Variants in DHX9 observed in about 807,000 individuals in gnomAD.
The protein encoded by DHX9 is DExH-box helicase 9.
DHX9 carries 27 observed loss-of-function variants against 148.7 expected under a neutral mutation model. That is an observed-to-expected ratio of 0.18 (90% CI 0.13 to 0.25). The LOEUF is 0.25. Ranked by LOEUF, DHX9 falls within the 10% of genes least tolerant of loss-of-function variation. DHX9 has a pLI of 1.00. For missense variants in DHX9, 796 were observed against 1,559.6 expected, an observed-to-expected ratio of 0.51 and a Z score of 8.25; for synonymous variants, 529 against 516.6, an observed-to-expected ratio of 1.02 and a Z score of -0.33.
intron 14 of DHX9, among the ~76,000 whole-genome samples, chr1:182,867,429 G>A (rs1329087960): frequency 1.3e-5 from 2 of 152,094 alleles, no homozygotes; most frequent in African/African-American, 2.4e-5. Flanking sequence ...TTGAGACAGA[G>A]TCTTGCTCTG....
At chr1:182,867,112 T>C in intron 14 of DHX9, 69 bp downstream of exon 14, 2 of 959,064 alleles carry the variant, frequency 2.1e-6, no homozygotes, top group Non-Finnish European at 3.0e-6. Flanking sequence ...GTAGAATGTC[T>C]TTGTTTTCCC....
In DHX9 at chr1:182,887,539, C is replaced by A; in HGVS notation, c.*105C>A. On this transcript the variant is annotated 3_prime_UTR_variant, in exon 28 of 28. Transcript: ENST00000367549. The stretch of plus-strand genomic sequence containing the variant: ...TTTATTTGCCACCAAAAAGTAAATG[C>A]ATTTTCACCCATTCTGTGGTTCATT... 1 of 971,118 alleles carries A rather than the reference C, an allele frequency of 1.0e-6. No individual in the cohort carries two copies. The highest frequency in any genetic ancestry group is 1.5e-6 in the Non-Finnish European group (1 of 657,444). The allele number at this position is 971,118 out of a possible 1,614,324, so 60.2% of individuals were successfully genotyped here.
intron 19 of DHX9, 45 bp from the exon 20 acceptor site, chr1:182,877,976 G>A: frequency 6.2e-6 from 10 of 1,606,486 alleles, no homozygotes; most frequent in Non-Finnish European, 8.5e-6. Flanking sequence ...AATAGTTATT[G>A]ATAATACACA....
In DHX9 at chr1:182,879,388, TG is replaced by T; in HGVS notation, c.2491del (p.Glu831LysfsTer12). The T allele has an allele frequency of 6.5e-7, 1 of 1,529,066 alleles. No individual in the cohort carries two copies. The highest frequency in any genetic ancestry group is 8.9e-7 in the Non-Finnish European group (1 of 1,120,780). The allele number at this position is 1,529,066 out of a possible 1,614,324, so 94.7% of individuals were successfully genotyped here. A position where few individuals can be genotyped will look rare whatever the true frequency, so the allele number is the denominator to read the frequency against. ...IEPPPLDAVI[E>X]AEHTLRELDA... ...AACCTCCCCCTTTGGATGCTGTGAT[TG>T]AAGCAGAACACACTCTTAGAGGTAC... On this transcript the variant is annotated frameshift_variant, in exon 21 of 28. Transcript: ENST00000367549. LOFTEE classifies it high-confidence loss of function.
chr1:182,882,537 T>C lies in DHX9; in HGVS notation c.2915-602T>C, dbSNP rs576382218. Among the ~76,000 whole-genome samples, 4 of 152,266 alleles carry C rather than the reference T, an allele frequency of 2.6e-5. No homozygotes were observed. In the South Asian group the frequency reaches 8.3e-4, roughly 32 times the overall value. On this transcript the variant is annotated intron_variant, in intron 24 of 27. Coordinates refer to ENST00000367549, the MANE Select transcript of DHX9 (RefSeq NM_001357.5). ...TGTGGTCCTATCAGTCAAGCTCTTA[T>C]TCTCAGAGTAGATGGTTGATTGGGG...
chr1:182,870,079 A>G (rs1297786086), intron 14 of DHX9, among the ~76,000 whole-genome samples: 1 of 152,246 alleles, frequency 6.6e-6, no homozygotes, highest in Non-Finnish European at 1.5e-5. Flanking sequence ...AAATAACTAG[A>G]AAAACAAAAA....
chr1:182,880,594 G>A lies in DHX9; in HGVS notation c.2610G>A (p.Met870Ile). 1 of 1,610,820 alleles carries A rather than the reference G, an allele frequency of 6.2e-7. No homozygotes were observed. Among genetic ancestry groups the A allele is most frequent in the African/African-American group, 1.3e-5 (1 of 74,928 alleles). ...CTCGTTTTGGCAAAATGATGATAAT[G>A]GGGTGTATTTTCTAGTAAGTGCTTT... ...IEPRFGKMMI[M>I]GCIFYVGDAI... The change falls in exon 22 of 28, where the codon ATG (methionine) becomes ATA (isoleucine). Residue 870 changes from methionine (M) to isoleucine (I), a missense_variant. By Grantham distance (10) the Met-to-Ile change is conservative. Around this residue, in one of 14 missense-constraint regions of DHX9, gnomAD observed 122 missense variants for 289.3 expected, o/e 0.42. Transcript: ENST00000367549.
chr1:182,859,800 A>G (rs2102601520), intron 11 of DHX9, among the ~76,000 whole-genome samples, 193 bp from the exon 12 acceptor site: 1 of 152,248 alleles, frequency 6.6e-6, no homozygotes, highest in East Asian at 1.9e-4. Context: ...TTTAGTAGAG[A>G]TGGGGTTTCA....
rs1044634113 is a variant in DHX9 at position 182,883,507 on chromosome 1, T to C, written c.3145-13T>C. ...TGTCAACCATTTTGTATTGTCTCTT[T>C]CTCCATTTGCAGATTCGAACTCGAG... On this transcript the variant is annotated splice_polypyrimidine_tract_variant and intron_variant, in intron 25 of 27. Coordinates refer to ENST00000367549, the MANE Select transcript of DHX9 (RefSeq NM_001357.5). The C allele has an allele frequency of 4.3e-5, 69 of 1,610,192 alleles. No homozygotes were observed. Among genetic ancestry groups the C allele is most frequent in the Non-Finnish European group, 5.7e-5 (67 of 1,176,710 alleles).
chr1:182,839,726 C>G (rs935361879), intron 1 of DHX9: 1 of 150,732 alleles, frequency 6.6e-6, no homozygotes, highest in Non-Finnish European at 1.5e-5. Context: ...GCAAAGCGCG[C>G]TTCCTCCTCT....
chr1:182,885,841 G>A (rs182091546), intron 27 of DHX9, among the ~76,000 whole-genome samples: 20 of 152,316 alleles, frequency 1.3e-4, no homozygotes, highest in Admixed American at 3.9e-4. Flanking sequence ...TTCAATAACC[G>A]TCATAGGCAG....
At chr1:182,862,949 A>T (rs980135973) in intron 12 of DHX9, among the ~76,000 whole-genome samples, 2 of 152,214 alleles carry the variant, frequency 1.3e-5, no homozygotes, top group Non-Finnish European at 2.9e-5. Context: ...AAGTGTGGGG[A>T]AGAGGTTAGC....
At chr1:182,877,016 C>A (rs1648832750) in intron 19 of DHX9, 113 bp downstream of exon 19, 4 of 675,480 alleles carry the variant, frequency 5.9e-6, no homozygotes, top group East Asian at 2.7e-5. Context: ...CTTAAATCTC[C>A]AAAATTATTG....
chr1:182,851,938 C>T (rs1668158145), intron 3 of DHX9, among the ~76,000 whole-genome samples: 1 of 152,042 alleles, frequency 6.6e-6, no homozygotes, highest in African/African-American at 2.4e-5. Flanking sequence ...AAAATGAGCC[C>T]CAGAGCAGTG....
chr1:182,852,641 C>A (rs1389933258), intron 4 of DHX9, among the ~76,000 whole-genome samples: 1 of 152,100 alleles, frequency 6.6e-6, no homozygotes, highest in Non-Finnish European at 1.5e-5. Context: ...TTTTCTTGTT[C>A]CTTATTCTTA....
At chr1:182,858,022 TA>T in intron 7 of DHX9, 81 bp from the exon 8 acceptor site, 1 of 1,438,150 alleles carries the variant, frequency 7.0e-7, no homozygotes, top group Non-Finnish European at 9.4e-7. Context: ...CTTGTGTACG[TA>T]AGCCCATAGT....
chr1:182,883,015 A>T (rs1649157397), intron 24 of DHX9, 124 bp from the exon 25 acceptor site: 3 of 661,692 alleles, frequency 4.5e-6, no homozygotes, highest in Non-Finnish European at 5.3e-6. Context: ...AGAAAGTTTT[A>T]CAGACAGGTT....
intron 14 of DHX9, among the ~76,000 whole-genome samples, chr1:182,867,338 G>A (rs1648340124): frequency 6.6e-6 from 1 of 152,114 alleles, no homozygotes. Context: ...TGACTAAATA[G>A]CTGATGGAAT....
chr1:182,840,695 A>G (rs1051250694), intron 1 of DHX9, among the ~76,000 whole-genome samples: 3 of 152,194 alleles, frequency 2.0e-5, no homozygotes, highest in Admixed American at 2.0e-4. Context: ...TCTTACCTGT[A>G]CAAGGTTACT....
Sources: gnomAD v4.1 joint callset for allele counts (sites outside exome capture counted in the v4.1 genomes callset) on GRCh38, gnomAD v4.1.1 for gene constraint, gnomAD v4.1.1 regional missense constraint, MANE v1.5 for transcripts, NCBI Gene and HGNC (gene_info 2026-07-23, HGNC 2026-07-21) for gene names.